Variants in ETFDH observed in about 807,000 individuals in gnomAD.
The protein encoded by ETFDH is electron transfer flavoprotein dehydrogenase, also known as electron transfer flavoprotein-ubiquinone oxidoreductase, mitochondrial.
A neutral mutation model predicts 73.2 loss-of-function variants in ETFDH; 61 were observed. That is an observed-to-expected ratio of 0.83 (90% CI 0.68 to 1.03). The LOEUF is 1.03. Ranked by LOEUF, ETFDH falls within the 50% of genes least tolerant of loss-of-function variation. ETFDH has a pLI of 0.00. For synonymous variants in ETFDH, 243 were observed against 253.3 expected (o/e 0.96, Z 0.39); for missense variants, 685 against 745.0 (o/e 0.92, Z 0.94).
intron 1 of ETFDH, chr4:158,679,745 T>G (rs1370507140): frequency 1.3e-5 from 2 of 152,036 alleles, no homozygotes; most frequent in Admixed American, 1.3e-4. Flanking sequence ...TACTTTTTGC[T>G]GACTCAAAAA....
At chr4:158,700,314 A>G (rs1774424375) in intron 9 of ETFDH, among the ~76,000 whole-genome samples, 1 of 151,898 alleles carries the variant, frequency 6.6e-6, no homozygotes, top group Non-Finnish European at 1.5e-5. Context: ...TTTCTAGAGT[A>G]GTAATTCCTT....
chr4:158,682,949 A>G (rs1351983923), intron 3 of ETFDH, among the ~76,000 whole-genome samples: 1 of 152,236 alleles, frequency 6.6e-6, no homozygotes, highest in Non-Finnish European at 1.5e-5. Flanking sequence ...ACATGTATTT[A>G]TGTAATGGGT....
At chr4:158,682,882 AT>A (rs1434245819) in intron 3 of ETFDH, among the ~76,000 whole-genome samples, 6 of 152,164 alleles carry the variant, frequency 3.9e-5, no homozygotes, top group Non-Finnish European at 8.8e-5. Flanking sequence ...TTAAAAAAAA[AT>A]TTATATCAGA....
intron 6 of ETFDH, among the ~76,000 whole-genome samples, chr4:158,691,693 A>G (rs569868605): frequency 2.2e-4 from 33 of 152,096 alleles, no homozygotes; most frequent in African/African-American, 7.7e-4. Context: ...CTGATTCTCC[A>G]CCTCCCATTC....
chr4:158,690,019 C>T lies in ETFDH; in HGVS notation c.607-329C>T, dbSNP rs187165594. Among the ~76,000 whole-genome samples, 4 of 152,196 alleles carry T rather than the reference C, an allele frequency of 2.6e-5. No individual in the cohort carries two copies. In the East Asian group the frequency reaches 7.7e-4, roughly 29 times the overall value. Reference sequence around the variant, plus strand: ...CTTCATGTGTTACAGGCCTCCATTTCAGATTCTTTACACGATTTGACATCT... The same window carrying T: ...CTTCATGTGTTACAGGCCTCCATTTTAGATTCTTTACACGATTTGACATCT... On this transcript the variant is annotated intron_variant, in intron 5 of 12. Coordinates refer to ENST00000511912, the MANE Select transcript of ETFDH (RefSeq NM_004453.4).
At chr4:158,679,689 A>G (rs1773794544) in intron 1 of ETFDH, 2 of 152,118 alleles carry the variant, frequency 1.3e-5, no homozygotes, top group South Asian at 4.1e-4. Flanking sequence ...TTCAGTGAAC[A>G]TTTTTGCAGA....
intron 8 of ETFDH, 125 bp downstream of exon 8, chr4:158,697,824 C>A: frequency 1.1e-6 from 1 of 903,408 alleles, no homozygotes; most frequent in Non-Finnish European, 1.8e-6. Flanking sequence ...CTAATTTTAT[C>A]AATATGTAAA....
intron 8 of ETFDH, among the ~76,000 whole-genome samples, chr4:158,698,690 T>C (rs1275797623): frequency 2.6e-5 from 4 of 152,170 alleles, no homozygotes; most frequent in African/African-American, 9.6e-5. Flanking sequence ...AATCTCATGA[T>C]AGATTGTTTT....
intron 3 of ETFDH, among the ~76,000 whole-genome samples, chr4:158,682,873 T>TA (rs923733889): frequency 5.9e-5 from 9 of 151,876 alleles, no homozygotes; most frequent in African/African-American, 1.9e-4. Flanking sequence ...CTTTTTAAAT[T>TA]AAAAAAAAAT....
In ETFDH at chr4:158,706,386, A is replaced by C. The variant is rs146561214; in HGVS notation, c.1468+15A>C. ...GAAACATAAAGGTAATTCAAACAAG[A>C]GTATGAGTGACATGATCATTAAAAA... On this transcript the variant is annotated intron_variant, in intron 11 of 12. Transcript: ENST00000511912. 1,964 of 1,587,100 alleles carry C rather than the reference A, an allele frequency of 1.2e-3. 10 individuals are homozygous for C. In the African/African-American group the frequency reaches 0.018, roughly 14 times the overall value.
At chr4:158,685,496 A>C (rs1773981462) in intron 5 of ETFDH, among the ~76,000 whole-genome samples, 1 of 152,130 alleles carries the variant, frequency 6.6e-6, no homozygotes, top group Admixed American at 6.5e-5. Context: ...AACAGAACTT[A>C]CCTATGGTTT....
intron 9 of ETFDH, among the ~76,000 whole-genome samples, chr4:158,701,188 T>G (rs1264825847): frequency 6.6e-6 from 1 of 152,222 alleles, no homozygotes; most frequent in African/African-American, 2.4e-5. Context: ...TTCTTAGGAT[T>G]TAAGCACCTA....
At position 158,706,222 on chromosome 4, in the gene ETFDH, A is replaced by G. The variant is rs140132054; in HGVS notation, c.1319A>G (p.Lys440Arg). The G allele has an allele frequency of 1.6e-5, 25 of 1,612,770 alleles. No homozygotes were observed. The highest frequency in any genetic ancestry group is 2.1e-5 in the Non-Finnish European group (25 of 1,178,708). The change falls in exon 11 of 13, where the codon AAG becomes AGG. Residue 440 changes from lysine to arginine, a missense_variant. Around this residue, in one of 3 missense-constraint regions of ETFDH, gnomAD observed 201 missense variants for 225.2 expected, o/e 0.89. Coordinates refer to ENST00000511912, the MANE Select transcript of ETFDH (RefSeq NM_004453.4). ...LHVTEYEDNLKNSWVWKELYS... is the reference protein window; with the variant it reads ...LHVTEYEDNLRNSWVWKELYS... ...GTAACTGAATATGAGGACAATTTGA[A>G]GAACTCATGGGTATGGAAAGAGCTA...
intron 2 of ETFDH, 116 bp from the exon 3 acceptor site, chr4:158,682,079 A>G: frequency 7.1e-7 from 1 of 1,402,656 alleles, no homozygotes; most frequent in Non-Finnish European, 1.0e-6. Context: ...TGTGCAAAAC[A>G]CAGGGAGAAT....
Position 158,706,368 on chromosome 4 carries a change from A to G in ETFDH, c.1465A>G (p.Lys489Glu), listed in dbSNP as rs1774617095. The stretch of plus-strand genomic sequence containing the variant: ...AATGGAGCCGTGGACTCTGAAACAT[A>G]AAGGTAATTCAAACAAGAGTATGAG... ...RGMEPWTLKH[K>E]GSDFERLKPA... Residue 489 changes from lysine to glutamate, a missense_variant, in exon 11 of 13, where the codon AAA becomes GAA. This residue lies in a region of ETFDH where 201 missense variants were observed against 225.2 expected (regional missense o/e 0.89). Transcript: ENST00000511912. The G allele has an allele frequency of 1.2e-6, 2 of 1,610,846 alleles. No homozygotes were observed. Among genetic ancestry groups the G allele is most frequent in the Non-Finnish European group, 1.7e-6 (2 of 1,177,174 alleles).
At chr4:158,691,095 G>A (rs1561243223) in intron 6 of ETFDH, among the ~76,000 whole-genome samples, 1 of 152,068 alleles carries the variant, frequency 6.6e-6, no homozygotes, top group Non-Finnish European at 1.5e-5. Context: ...ACATGTCAAA[G>A]ATTTTATTTC....
chr4:158,704,702 C>T (rs988358768), intron 10 of ETFDH, among the ~76,000 whole-genome samples: 2 of 152,120 alleles, frequency 1.3e-5, no homozygotes, highest in Non-Finnish European at 2.9e-5. Context: ...ACCTGGCACA[C>T]GGTAGCGACT....
chr4:158,706,516 G>A, intron 11 of ETFDH, 113 bp from the exon 12 acceptor site: 1 of 1,094,704 alleles, frequency 9.1e-7, no homozygotes, highest in Admixed American at 1.7e-5. Flanking sequence ...TTACTTGAGG[G>A]CTAGTCATAT....
At chr4:158,683,493 T>G (rs1418864528) in intron 3 of ETFDH, among the ~76,000 whole-genome samples, 1 of 152,242 alleles carries the variant, frequency 6.6e-6, no homozygotes, top group African/African-American at 2.4e-5. Flanking sequence ...CCTTTTGATA[T>G]TATATCAGAA....
Sources: gnomAD v4.1 joint callset for allele counts (sites outside exome capture counted in the v4.1 genomes callset) on GRCh38, gnomAD v4.1.1 for gene constraint, gnomAD v4.1.1 regional missense constraint, MANE v1.5 for transcripts, NCBI Gene and HGNC (gene_info 2026-07-23, HGNC 2026-07-21) for gene names.